The following UNC5D variants were observed in gnomAD, a reference collection of about 807,000 sequenced individuals.
UNC5D encodes unc-5 netrin receptor D, also known as netrin receptor UNC5D.
UNC5D carries 39 observed loss-of-function variants against 105.4 expected under a neutral mutation model. That is an observed-to-expected ratio of 0.37 (90% CI 0.29 to 0.48). The LOEUF (loss-of-function observed/expected upper bound fraction) is 0.48, where lower values mean the gene tolerates loss of function less well. Ranked by LOEUF, UNC5D falls within the 20% of genes least tolerant of loss-of-function variation. The pLI is 0.98. For missense variants in UNC5D, 991 were observed against 1,202.4 expected, an observed-to-expected ratio of 0.82 and a Z score of 2.60; for synonymous variants, 452 against 450.4, an observed-to-expected ratio of 1.00 and a Z score of -0.04.
At chr8:35,655,974 G>A (rs1823705338) in intron 4 of UNC5D, among the ~76,000 whole-genome samples, 1 of 152,108 alleles carries the variant, frequency 6.6e-6, no homozygotes, top group South Asian at 2.1e-4. Context: ...CTCAACTTGG[G>A]CACTATTAAT....
chr8:35,721,817 A>T (rs569617964), intron 8 of UNC5D, among the ~76,000 whole-genome samples: 1 of 152,284 alleles, frequency 6.6e-6, no homozygotes, highest in East Asian at 1.9e-4. Context: ...GATCACCCAT[A>T]TTTTATCACT....
chr8:35,658,348 T>G (rs1424346569), intron 4 of UNC5D, among the ~76,000 whole-genome samples: 2 of 152,180 alleles, frequency 1.3e-5, no homozygotes, highest in African/African-American at 2.4e-5. Flanking sequence ...TAAGAAAACC[T>G]CTTTAGTTGG....
At chr8:35,385,569 C>G (rs2128935966) in intron 1 of UNC5D, among the ~76,000 whole-genome samples, 1 of 150,166 alleles carries the variant, frequency 6.7e-6, no homozygotes, top group African/African-American at 2.5e-5. Context: ...GGACTCACGC[C>G]ATTCTCTTGC....
chr8:35,559,425 G>A (rs926839533), intron 2 of UNC5D, among the ~76,000 whole-genome samples: 1 of 152,154 alleles, frequency 6.6e-6, no homozygotes, highest in Non-Finnish European at 1.5e-5. Flanking sequence ...GAGTGGAGAG[G>A]CAAGCATTTG....
At chr8:35,600,404 T>C (rs1172697630) in intron 4 of UNC5D, among the ~76,000 whole-genome samples, 1 of 152,220 alleles carries the variant, frequency 6.6e-6, no homozygotes, top group Admixed American at 6.5e-5. Flanking sequence ...GTTGAATTAG[T>C]TTACAGTCTC....
intron 15 of UNC5D, among the ~76,000 whole-genome samples, chr8:35,767,566 G>A (rs1278828535): frequency 6.6e-6 from 1 of 152,060 alleles, no homozygotes; most frequent in Non-Finnish European, 1.5e-5. Flanking sequence ...TACTCCCCAG[G>A]CTCAGAATTC....
chr8:35,401,818 A>C (rs1204879880), intron 1 of UNC5D, among the ~76,000 whole-genome samples: 1 of 152,238 alleles, frequency 6.6e-6, no homozygotes, highest in African/African-American at 2.4e-5. Flanking sequence ...GAAGATGTAC[A>C]GCAAAGACCT....
chr8:35,761,000 T>G (rs1801507305), intron 14 of UNC5D, among the ~76,000 whole-genome samples: 1 of 152,168 alleles, frequency 6.6e-6, no homozygotes, highest in Non-Finnish European at 1.5e-5. Flanking sequence ...GTTTAGTGCA[T>G]TCAAAGCACA....
At chr8:35,650,395 T>A (rs915330529) in intron 4 of UNC5D, among the ~76,000 whole-genome samples, 44 of 152,148 alleles carry the variant, frequency 2.9e-4, no homozygotes, top group African/African-American at 1.0e-3. Context: ...AGCAGGAGTA[T>A]TTTACTCCTC....
At chr8:35,375,148 A>G (rs1264449660) in intron 1 of UNC5D, among the ~76,000 whole-genome samples, 2 of 152,158 alleles carry the variant, frequency 1.3e-5, no homozygotes, top group East Asian at 3.9e-4. Flanking sequence ...CAGAGCGGGG[A>G]AAAAATATTT....
chr8:35,465,485 G>A lies in UNC5D; in HGVS notation c.104-83807G>A, dbSNP rs991551671. On this transcript the variant is annotated intron_variant, in intron 1 of 16. Transcript: ENST00000404895. Reference sequence around the variant, plus strand: ...ATTATGCCCCTGCACTCCAGCCTGGGCAACAGAGCAAGACCCAACCTCAAA... The same window carrying A: ...ATTATGCCCCTGCACTCCAGCCTGGACAACAGAGCAAGACCCAACCTCAAA... Among the ~76,000 whole-genome samples the A allele has an allele frequency of 8.6e-5, 13 of 151,100 alleles. No homozygotes were observed. The South Asian group carries it at 2.7e-3, about 31-fold the overall frequency.
intron 6 of UNC5D, 73 bp downstream of exon 6, chr8:35,684,822 T>G: frequency 6.8e-7 from 1 of 1,468,356 alleles, no homozygotes; most frequent in Non-Finnish European, 9.1e-7. Context: ...ACAATCAATG[T>G]TACCTTCTTT....
chr8:35,543,987 A>C (rs546366282), intron 1 of UNC5D, among the ~76,000 whole-genome samples: 1 of 152,318 alleles, frequency 6.6e-6, no homozygotes, highest in South Asian at 2.1e-4. Context: ...CCTCTGAAAC[A>C]AAATGGAATT....
At chr8:35,284,856 C>G (rs1197193131) in intron 1 of UNC5D, among the ~76,000 whole-genome samples, 1 of 152,198 alleles carries the variant, frequency 6.6e-6, no homozygotes, top group Non-Finnish European at 1.5e-5. Flanking sequence ...GCCACTGCAC[C>G]TGGCCTATAA....
At chr8:35,395,507 A>G (rs989227236) in intron 1 of UNC5D, among the ~76,000 whole-genome samples, 2 of 152,156 alleles carry the variant, frequency 1.3e-5, no homozygotes, top group African/African-American at 2.4e-5. Flanking sequence ...TCTTTTGTCT[A>G]TATTGCTCAA....
rs775846370 is a variant in UNC5D at position 35,714,500 on chromosome 8, C to T, written c.1118-7710C>T. The stretch of plus-strand genomic sequence containing the variant: ...GAGTGATTATCCAATTAGATGAGAA[C>T]AGAGAGAGGAAAAAGGGCCAAGAAC... On this transcript the variant is annotated intron_variant, in intron 8 of 16. Transcript: ENST00000404895. Among the ~76,000 whole-genome samples, 71 of 152,026 alleles carry T rather than the reference C, an allele frequency of 4.7e-4. 1 individual carries two copies. Among genetic ancestry groups the T allele is most frequent in the Non-Finnish European group, 1.8e-4 (12 of 68,006 alleles).
chr8:35,780,813 T>G (rs1470064410), intron 16 of UNC5D, among the ~76,000 whole-genome samples: 1 of 152,224 alleles, frequency 6.6e-6, no homozygotes, highest in Non-Finnish European at 1.5e-5. Flanking sequence ...AAAATCAGCC[T>G]TCGTGTCCTG....
At chr8:35,662,037 G>C (rs1824135274) in intron 4 of UNC5D, among the ~76,000 whole-genome samples, 1 of 151,906 alleles carries the variant, frequency 6.6e-6, no homozygotes, top group Non-Finnish European at 1.5e-5. Flanking sequence ...AATAGCAATG[G>C]GTTGCAAAAT....
intron 1 of UNC5D, among the ~76,000 whole-genome samples, chr8:35,286,473 C>T (rs535578831): frequency 1.5e-4 from 23 of 152,236 alleles, no homozygotes; most frequent in African/African-American, 4.3e-4. Context: ...AGCATCTGGC[C>T]CTGCCTGACC....
Sources: gnomAD v4.1 joint callset for allele counts (sites outside exome capture counted in the v4.1 genomes callset) on GRCh38, gnomAD v4.1.1 for gene constraint, MANE v1.5 for transcripts, NCBI Gene and HGNC (gene_info 2026-07-23, HGNC 2026-07-21) for gene names.